The following KCNMB2 variants were observed in gnomAD, a reference collection of about 807,000 sequenced individuals.
The protein encoded by KCNMB2 is potassium calcium-activated channel subfamily M regulatory beta subunit 2.
Under a neutral mutation model 24.5 loss-of-function variants are expected in KCNMB2, and 9 were observed. The ratio of observed to expected loss-of-function variants is 0.37; its 90% confidence interval spans 0.22 to 0.64. The LOEUF (loss-of-function observed/expected upper bound fraction) is 0.64. Ranked by LOEUF, KCNMB2 falls within the 30% of genes least tolerant of loss-of-function variation. KCNMB2 has a pLI of 0.63. For missense variants in KCNMB2, 226 were observed against 284.3 expected (o/e 0.79, Z 1.47); for synonymous variants, 109 against 104.4 (o/e 1.04, Z -0.27).
At chr3:178,667,865 A>G (rs1280960689) in intron 1 of KCNMB2, among the ~76,000 whole-genome samples, 1 of 152,016 alleles carries the variant, frequency 6.6e-6, no homozygotes, top group African/African-American at 2.4e-5. Flanking sequence ...CCCCTACCTC[A>G]GGGTTTCTGG....
At chr3:178,661,996 T>C (rs892188533) in intron 1 of KCNMB2, among the ~76,000 whole-genome samples, 7 of 152,170 alleles carry the variant, frequency 4.6e-5, no homozygotes, top group African/African-American at 1.7e-4. Flanking sequence ...AGACAATAGA[T>C]GGCATTGAAA....
chr3:178,832,229 A>G (rs1172432120), intron 4 of KCNMB2, among the ~76,000 whole-genome samples: 2 of 152,124 alleles, frequency 1.3e-5, no homozygotes, highest in Non-Finnish European at 2.9e-5. Context: ...GGACACATTC[A>G]CTGAGTATAA....
intron 2 of KCNMB2, among the ~76,000 whole-genome samples, chr3:178,808,033 G>A (rs2108452764): frequency 6.6e-6 from 1 of 152,206 alleles, no homozygotes; most frequent in African/African-American, 2.4e-5. Context: ...AAGGAAAACA[G>A]AAAGTATGAG....
intron 1 of KCNMB2, among the ~76,000 whole-genome samples, chr3:178,648,327 C>T (rs571828920): frequency 6.6e-6 from 1 of 152,258 alleles, no homozygotes; most frequent in African/African-American, 2.4e-5. Context: ...CACCTGAGGC[C>T]AGTAGTTCAA....
At chr3:178,699,907 G>T (rs1272497465) in intron 1 of KCNMB2, among the ~76,000 whole-genome samples, 1 of 152,174 alleles carries the variant, frequency 6.6e-6, no homozygotes, top group Admixed American at 6.5e-5. Context: ...GGGTTCTAGA[G>T]GCCTGTGGCA....
intron 1 of KCNMB2, among the ~76,000 whole-genome samples, chr3:178,680,374 C>A (rs1173684828): frequency 6.6e-6 from 1 of 152,194 alleles, no homozygotes; most frequent in Non-Finnish European, 1.5e-5. Context: ...ACAGCTTCTA[C>A]AACACCTACC....
intron 1 of KCNMB2, among the ~76,000 whole-genome samples, chr3:178,584,377 T>C (rs2108492440): frequency 6.6e-6 from 1 of 152,350 alleles, no homozygotes; most frequent in East Asian, 1.9e-4. Context: ...ATAGTTGTTC[T>C]GACTTCATAG....
intron 1 of KCNMB2, among the ~76,000 whole-genome samples, chr3:178,794,237 T>C (rs185500233): frequency 3.3e-5 from 5 of 152,240 alleles, no homozygotes; most frequent in Middle Eastern, 3.4e-3. Context: ...ATTCTGTAGC[T>C]TCGTGTTCCC....
intron 1 of KCNMB2, among the ~76,000 whole-genome samples, chr3:178,626,221 C>A (rs1719112522): frequency 6.6e-6 from 1 of 152,214 alleles, no homozygotes; most frequent in Admixed American, 6.5e-5. Context: ...AGACTTGAAT[C>A]TGAACACCAG....
intron 1 of KCNMB2, among the ~76,000 whole-genome samples, chr3:178,619,736 G>A (rs749591473): frequency 6.6e-6 from 1 of 152,028 alleles, no homozygotes; most frequent in Non-Finnish European, 1.5e-5. Flanking sequence ...CTTGACCCAC[G>A]AAATTGCCAA....
chr3:178,551,749 A>G (rs970876039), intron 1 of KCNMB2, among the ~76,000 whole-genome samples: 8 of 152,334 alleles, frequency 5.3e-5, no homozygotes, highest in Admixed American at 2.6e-4. Context: ...AGTTCAGAAG[A>G]GTCCTAAAAT....
At chr3:178,840,402 C>A (rs779621312) in intron 4 of KCNMB2, among the ~76,000 whole-genome samples, 1 of 152,156 alleles carries the variant, frequency 6.6e-6, no homozygotes, top group African/African-American at 2.4e-5. Flanking sequence ...TGAAGGACAG[C>A]GGCCCTCTTC....
At chr3:178,598,756 C>T (rs1717970729) in intron 1 of KCNMB2, among the ~76,000 whole-genome samples, 1 of 151,726 alleles carries the variant, frequency 6.6e-6, no homozygotes, top group Non-Finnish European at 1.5e-5. Context: ...ATGTGTGGGG[C>T]CATGTTGAAG....
At chr3:178,787,602 C>T (rs555404043) in intron 1 of KCNMB2, among the ~76,000 whole-genome samples, 11 of 152,224 alleles carry the variant, frequency 7.2e-5, no homozygotes, top group Non-Finnish European at 1.3e-4. Context: ...CATATTCTTA[C>T]CATTATATTT....
intron 1 of KCNMB2, among the ~76,000 whole-genome samples, chr3:178,717,022 C>T (rs575296672): frequency 5.2e-4 from 78 of 150,620 alleles, no homozygotes; most frequent in African/African-American, 1.8e-3. Context: ...CTTATGCCCA[C>T]ACTTTATGTC....
chr3:178,781,121 TAAATA>T (rs1170751991), intron 1 of KCNMB2, among the ~76,000 whole-genome samples: 1 of 152,134 alleles, frequency 6.6e-6, no homozygotes, highest in Non-Finnish European at 1.5e-5. Flanking sequence ...CATATTAGGT[TAAATA>T]AAATATATTA....
At chr3:178,734,151 T>C (rs896030421) in intron 1 of KCNMB2, among the ~76,000 whole-genome samples, 8 of 152,162 alleles carry the variant, frequency 5.3e-5, no homozygotes, top group Non-Finnish European at 1.0e-4. Context: ...GGTGCCCAAG[T>C]GTAAGCCCAA....
chr3:178,673,177 C>A (rs2108585468), intron 1 of KCNMB2, among the ~76,000 whole-genome samples: 1 of 152,276 alleles, frequency 6.6e-6, no homozygotes, highest in Non-Finnish European at 1.5e-5. Flanking sequence ...AGAAAAACCT[C>A]AACCCTAGTT....
chr3:178,699,150 T>C (rs1230404643), intron 1 of KCNMB2, among the ~76,000 whole-genome samples: 1 of 152,184 alleles, frequency 6.6e-6, no homozygotes, highest in Admixed American at 6.5e-5. Flanking sequence ...GGTGTTGGCT[T>C]GGGGCAGGAT....
Sources: gnomAD v4.1 joint callset for allele counts (sites outside exome capture counted in the v4.1 genomes callset) on GRCh38, gnomAD v4.1.1 for gene constraint, MANE v1.5 for transcripts, NCBI Gene and HGNC (gene_info 2026-07-23, HGNC 2026-07-21) for gene names.